TCF12: variants seen among roughly 807,000 people sequenced by gnomAD.
TCF12 encodes the protein transcription factor 12, also known as DNA-binding protein HTF4.
Under a neutral mutation model 86.0 loss-of-function variants are expected in TCF12, and 45 were observed. That is an observed-to-expected ratio of 0.52 (90% CI 0.41 to 0.67). The LOEUF (loss-of-function observed/expected upper bound fraction) is 0.67, where lower values mean the gene tolerates loss of function less well. Among genes scored for constraint, TCF12 ranks in the 30% least tolerant of loss-of-function variants. TCF12 has a pLI of 0.00. For synonymous variants in TCF12, 330 were observed against 299.6 expected (o/e 1.10, Z -1.05); for missense variants, 881 against 859.9 (o/e 1.02, Z -0.31).
chr15:57,229,224 A>T (rs1179542495), intron 8 of TCF12, among the ~76,000 whole-genome samples: 2 of 151,972 alleles, frequency 1.3e-5, no homozygotes, highest in African/African-American at 4.8e-5. Context: ...TTTCCTGAAA[A>T]CCTTATCTGC....
chr15:57,281,589 TCCACA>T (rs1412843609), intron 19 of TCF12: 1 of 152,250 alleles, frequency 6.6e-6, no homozygotes, highest in Non-Finnish European at 1.5e-5. Flanking sequence ...CATTTGCATC[TCCACA>T]TCCTGTCAGA....
rs754134198 is a variant in TCF12, at chr15:57,192,251, A to G, written c.484A>G (p.Thr162Ala). The change falls in exon 7 of 21, where the codon ACA becomes GCA. Residue 162 changes from threonine (T) to alanine (A), a missense_variant. This residue lies in a region of TCF12 where 766 missense variants were observed against 718.9 expected (regional missense o/e 1.07). Coordinates refer to ENST00000333725, the MANE Select transcript of TCF12 (RefSeq NM_207037.2). Reference protein sequence around the residue: ...PGTAYYSFSATSSRRRPLHDS... With the variant: ...PGTAYYSFSAASSRRRPLHDS... The stretch of plus-strand genomic sequence containing the variant: ...GACAGCATACTATTCATTCTCTGCT[A>G]CAAGTTCCAGGAGGAGACCACTCCA... 2 of 1,614,174 alleles carry G rather than the reference A, an allele frequency of 1.2e-6. No homozygotes were observed. Among genetic ancestry groups the G allele is most frequent in the East Asian group, 2.2e-5 (1 of 44,880 alleles).
At chr15:56,973,178 C>T (rs549693661) in intron 3 of TCF12, among the ~76,000 whole-genome samples, 1 of 152,186 alleles carries the variant, frequency 6.6e-6, no homozygotes, top group South Asian at 2.1e-4. Flanking sequence ...CGCCTCCCTC[C>T]CTCCCATCTG....
chr15:57,092,004 T>G (rs2049022430), intron 5 of TCF12, 113 bp downstream of exon 5: 3 of 787,376 alleles, frequency 3.8e-6, no homozygotes, highest in African/African-American at 1.7e-5. Context: ...GTTCTTGAGT[T>G]TCTAGGGGCA....
intron 8 of TCF12, chr15:57,219,097 A>G: frequency 1.9e-6 from 2 of 1,058,168 alleles, no homozygotes; most frequent in Non-Finnish European, 2.3e-6. Context: ...TCTCTGCCAC[A>G]AGTGCTCTAA....
At chr15:56,928,896 A>T (rs1230008984) in intron 3 of TCF12, among the ~76,000 whole-genome samples, 1 of 152,210 alleles carries the variant, frequency 6.6e-6, no homozygotes, top group Non-Finnish European at 1.5e-5. Context: ...GAATGTTAAG[A>T]GTCTCTAGGG....
intron 6 of TCF12, among the ~76,000 whole-genome samples, chr15:57,179,143 A>G (rs114792502): frequency 0.029 from 4,474 of 152,294 alleles, 182 homozygotes; most frequent in African/African-American, 0.09. Flanking sequence ...GTCACGTTTT[A>G]GCACTGTAAT....
chr15:57,033,246 A>G (rs2066311834), intron 3 of TCF12, among the ~76,000 whole-genome samples: 1 of 152,192 alleles, frequency 6.6e-6, no homozygotes, highest in Non-Finnish European at 1.5e-5. Flanking sequence ...TGCAAAAAAT[A>G]TATATATATT....
intron 5 of TCF12, among the ~76,000 whole-genome samples, chr15:57,097,047 C>G (rs541985398): frequency 2.1e-4 from 32 of 152,222 alleles, no homozygotes; most frequent in African/African-American, 6.7e-4. Flanking sequence ...GTGGATTTGT[C>G]TGGGAATTTA....
chr15:57,175,400 C>T (rs569307422), intron 6 of TCF12, among the ~76,000 whole-genome samples: 1 of 152,230 alleles, frequency 6.6e-6, no homozygotes, highest in East Asian at 1.9e-4. Context: ...TTAGCTAAGG[C>T]TTCTACAGTT....
At position 57,013,941 on chromosome 15, in the gene TCF12, A is replaced by T. The variant is rs191014761; in HGVS notation, c.149-49809A>T. Among the ~76,000 whole-genome samples the T allele has an allele frequency of 4.0e-3, 603 of 151,414 alleles. 8 individuals are homozygous for T. Among genetic ancestry groups the T allele is most frequent in the African/African-American group, 0.011 (450 of 41,330 alleles). On this transcript the variant is annotated intron_variant, in intron 3 of 20. Transcript: ENST00000333725. Reference sequence around the variant, plus strand: ...GGATACTTGCTTTCATCTCTTTTTTAAAAAAAAATGCTAAGGTGCAAGATG... The same window carrying T: ...GGATACTTGCTTTCATCTCTTTTTTTAAAAAAAATGCTAAGGTGCAAGATG...
chr15:57,196,820 A>G (rs1355757662), intron 7 of TCF12, among the ~76,000 whole-genome samples: 1 of 152,242 alleles, frequency 6.6e-6, no homozygotes, highest in Non-Finnish European at 1.5e-5. Context: ...AGTTGTGGTT[A>G]TAGCCACATA....
Position 57,263,177 on chromosome 15 carries a change from G to A in TCF12, c.1648G>A (p.Asp550Asn). The part of the protein sequence containing the change: ...TEIKTENKEK[D>N]ENLHEPPSSD... ...AATCAAGACTGAAAACAAAGAAAAG[G>A]ATGAAAACCTTCATGAACCTCCTTC... Residue 550 changes from aspartate to asparagine, a missense_variant, in exon 18 of 21, where the codon GAT (aspartate) becomes AAT (asparagine). Asp to Asn is a conservative substitution (Grantham distance 23). Transcript: ENST00000333725. 6.2e-7 allele frequency: 1 copy of A among 1,613,356 alleles called. No individual in the cohort carries two copies. The highest frequency in any genetic ancestry group is 8.5e-7 in the Non-Finnish European group (1 of 1,179,760).
chr15:57,229,549 C>T (rs1453691366), intron 8 of TCF12, among the ~76,000 whole-genome samples: 1 of 151,196 alleles, frequency 6.6e-6, no homozygotes, highest in Non-Finnish European at 1.5e-5. Context: ...AGGACTAGCA[C>T]GAAGAGTAAA....
chr15:57,252,017 T>C (rs2060140307), intron 14 of TCF12, among the ~76,000 whole-genome samples: 1 of 152,250 alleles, frequency 6.6e-6, no homozygotes, highest in African/African-American at 2.4e-5. Context: ...TGTTGACTAC[T>C]GTTGCTTTTG....
At chr15:57,020,233 A>G (rs1200746216) in intron 3 of TCF12, among the ~76,000 whole-genome samples, 1 of 152,214 alleles carries the variant, frequency 6.6e-6, no homozygotes, top group African/African-American at 2.4e-5. Flanking sequence ...GTCTTAACAG[A>G]TGTGGTTAGG....
chr15:57,152,802 A>G (rs894381697), intron 5 of TCF12, among the ~76,000 whole-genome samples: 4 of 152,158 alleles, frequency 2.6e-5, no homozygotes, highest in African/African-American at 9.7e-5. Context: ...CCCAAAAGCA[A>G]TGAAAGACAT....
intron 4 of TCF12, among the ~76,000 whole-genome samples, chr15:57,078,860 G>T (rs1465830234): frequency 6.6e-6 from 1 of 152,134 alleles, no homozygotes; most frequent in African/African-American, 2.4e-5. Flanking sequence ...GAAAACCATC[G>T]TATTTGATCA....
chr15:57,179,137 C>T (rs560747559), intron 6 of TCF12, among the ~76,000 whole-genome samples: 4 of 152,144 alleles, frequency 2.6e-5, no homozygotes, highest in African/African-American at 7.2e-5. Flanking sequence ...TAGATTGTCA[C>T]GTTTTAGCAC....
Sources: allele counts gnomAD v4.1 joint callset (sites outside exome capture counted in the v4.1 genomes callset), GRCh38; gene constraint gnomAD v4.1.1; regional missense constraint gnomAD v4.1.1; transcripts MANE v1.5; gene names NCBI Gene and HGNC (gene_info 2026-07-23, HGNC 2026-07-21).